ZNF384: variants seen among roughly 807,000 people sequenced by gnomAD.
ZNF384 encodes the protein zinc finger protein 384, also known as CAG repeat protein 1.
Under a neutral mutation model 65.0 loss-of-function variants are expected in ZNF384, and 20 were observed. That is an observed-to-expected ratio of 0.31 (90% CI 0.22 to 0.45). ZNF384 has a LOEUF of 0.45. Ranked by LOEUF, ZNF384 falls within the 20% of genes least tolerant of loss-of-function variation. The pLI is 1.00. For missense variants in ZNF384, 549 were observed against 769.4 expected (o/e 0.71, Z 3.39); for synonymous variants, 310 against 303.9 (o/e 1.02, Z -0.21).
chr12:6,666,993 AGTATAG>A lies in ZNF384; in HGVS notation c.*715_*720del, dbSNP rs1269235071. On this transcript the variant is annotated 3_prime_UTR_variant, in exon 12 of 12. Coordinates refer to ENST00000683879, the MANE Select transcript of ZNF384 (RefSeq NM_001385745.1). ...TTGGGGGTGGGTTGGGGAGACTGAG[AGTATAG>A]GGTCTTTGTAGGCAGAGAAGGAGAG... 2 of 216,328 alleles carry A rather than the reference AGTATAG, an allele frequency of 9.2e-6. No homozygotes were observed. The highest frequency in any genetic ancestry group is 4.5e-5 in the African/African-American group (2 of 44,264). The allele number at this position is 216,328 out of a possible 1,614,324, so 13.4% of individuals were successfully genotyped here.
chr12:6,676,065 C>T (rs1953435088), intron 7 of ZNF384, among the ~76,000 whole-genome samples: 1 of 152,084 alleles, frequency 6.6e-6, no homozygotes. Context: ...TCTGGGAGGC[C>T]GAGGCAGGCA....
At chr12:6,674,620 C>A (rs1952790869) in intron 7 of ZNF384, among the ~76,000 whole-genome samples, 1 of 152,106 alleles carries the variant, frequency 6.6e-6, no homozygotes, top group South Asian at 2.1e-4. Context: ...CCAATCATTG[C>A]AGGAGAGAGG....
At chr12:6,688,488 G>T (rs555082688) in intron 1 of ZNF384, 1 of 152,298 alleles carries the variant, frequency 6.6e-6, no homozygotes, top group African/African-American at 2.4e-5. Context: ...TCAGAGACTG[G>T]TCCTTGTTCG....
chr12:6,686,994 C>A (rs561462483), intron 2 of ZNF384, among the ~76,000 whole-genome samples: 4 of 152,294 alleles, frequency 2.6e-5, no homozygotes, highest in South Asian at 4.1e-4. Flanking sequence ...TTCCAAAACA[C>A]ACAACTGCAG....
intron 7 of ZNF384, among the ~76,000 whole-genome samples, chr12:6,676,710 ATAACT>A (rs1289292526): frequency 1.3e-5 from 2 of 152,236 alleles, no homozygotes; most frequent in African/African-American, 2.4e-5. Context: ...TTTCTATACG[ATAACT>A]TAAAAGGGAT....
At position 6,678,108 on chromosome 12, in the gene ZNF384, C is replaced by G. The variant is rs1224545245; in HGVS notation, c.686+19G>C. On this transcript the variant is annotated intron_variant, in intron 6 of 11. Transcript: ENST00000683879. This position sits in a 1 kb window ranked among gnomAD's most constrained non-coding sequence, Gnocchi z 4.9. ...GCCAGGGATCCTCGCCCCATCCTGCCCCTGGCTCTGAGTCTTACCTGTAGG... is the reference window on the plus strand; with the variant it reads ...GCCAGGGATCCTCGCCCCATCCTGCGCCTGGCTCTGAGTCTTACCTGTAGG... The G allele has an allele frequency of 1.3e-6, 2 of 1,598,248 alleles. No individual in the cohort carries two copies. Among genetic ancestry groups the G allele is most frequent in the Non-Finnish European group, 1.7e-6 (2 of 1,169,098 alleles).
chr12:6,667,981 T>C lies in ZNF384; in HGVS notation c.1560A>G (p.Gln520=), dbSNP rs1565419130. Residue 520 remains glutamine, a synonymous_variant, in exon 12 of 12, where the codon CAA becomes CAG. Transcript: ENST00000683879. ...GGGAGGCCTGGGCCTGGGCCTGGGC[T>C]TGAGCCTGAGCCTGAGCCTGGGCTT... ...QAQAQAQAQA[Q]AQAQAQASQA... is the part of the protein sequence containing the mutation. 11 of 1,611,802 alleles carry C rather than the reference T, an allele frequency of 6.8e-6. No homozygotes were observed. The highest frequency in any genetic ancestry group is 1.7e-5 in the Admixed American group (1 of 59,768).
In ZNF384 at chr12:6,677,277, T is replaced by C; in HGVS notation, c.687-18A>G. On this transcript the variant is annotated intron_variant, in intron 6 of 11. Transcript: ENST00000683879. ...CTTCGCTCCTAAAATGGGAACAACA[T>C]TGCCCATCTGGGTACACTAAGGAAC... 3 of 1,308,790 alleles carry C rather than the reference T, an allele frequency of 2.3e-6. No individual in the cohort carries two copies. Among genetic ancestry groups the C allele is most frequent in the Non-Finnish European group, 2.0e-6 (2 of 1,000,432 alleles). 81.1% of individuals were successfully genotyped at this position (1,308,790 alleles called of 1,614,324 possible).
chr12:6,671,188 G>C (rs1306532369), intron 9 of ZNF384, among the ~76,000 whole-genome samples: 2 of 152,196 alleles, frequency 1.3e-5, no homozygotes, highest in African/African-American at 4.8e-5. Flanking sequence ...CAAGGAAAAA[G>C]AAAAGCAGAA....
chr12:6,678,433 G>A lies in ZNF384; in HGVS notation c.380C>T (p.Ser127Leu). The change falls in exon 6 of 12, where the codon TCA becomes TTA. Residue 127 changes from serine (S) to leucine (L), a missense_variant. Ser to Leu is a moderately radical substitution (Grantham distance 145). Around this residue, in one of 5 missense-constraint regions of ZNF384, gnomAD observed 277 missense variants for 337.2 expected, o/e 0.82. Transcript: ENST00000683879. This position sits in a 1 kb window ranked among gnomAD's most constrained non-coding sequence, Gnocchi z 4.9. ...RGPGLVITSP[S>L]GSLVTTASSA... ...TGATGCTGTGGTCACAAGAGAGCCTGAGGGGGACGTGATTACCAAACCCGG... is the reference window on the plus strand; with the variant it reads ...TGATGCTGTGGTCACAAGAGAGCCTAAGGGGGACGTGATTACCAAACCCGG... 1.9e-6 allele frequency: 3 copies of A among 1,595,358 alleles called. No homozygotes were observed. Among genetic ancestry groups the A allele is most frequent in the Non-Finnish European group, 1.7e-6 (2 of 1,170,454 alleles).
At chr12:6,674,247 C>T (rs1361858771) in intron 7 of ZNF384, among the ~76,000 whole-genome samples, 3 of 152,218 alleles carry the variant, frequency 2.0e-5, no homozygotes, top group Non-Finnish European at 4.4e-5. Flanking sequence ...GGGTTGACAT[C>T]AGTAGCACCT....
Position 6,678,714 on chromosome 12 carries a change from G to A in ZNF384, c.305-4C>T, listed in dbSNP as rs778636448. ...CACCTCTGAGAACAGGAGACTCCTT[G>A]ATTCAGAGAAGGAAAGAATGTCACC... is the stretch of plus-strand genomic sequence containing the variant. On this transcript the variant is annotated splice_region_variant and splice_polypyrimidine_tract_variant and intron_variant, in intron 4 of 11. Transcript: ENST00000683879. The surrounding 1 kb of genome is among the most constrained non-coding windows in gnomAD (Gnocchi z 4.9). 1 of 1,613,928 alleles carries A rather than the reference G, an allele frequency of 6.2e-7. No individual in the cohort carries two copies. The highest frequency in any genetic ancestry group is 1.7e-5 in the Admixed American group (1 of 59,994).
rs937959682 is a variant in ZNF384, at chr12:6,673,899, T to C, written c.780-459A>G. Among the ~76,000 whole-genome samples the C allele has an allele frequency of 6.6e-6, 1 of 152,122 alleles. No individual in the cohort carries two copies. Among genetic ancestry groups the C allele is most frequent in the African/African-American group, 2.4e-5 (1 of 41,416 alleles). On this transcript the variant is annotated intron_variant, in intron 7 of 11. Coordinates refer to ENST00000683879, the MANE Select transcript of ZNF384 (RefSeq NM_001385745.1). This position sits in a 1 kb window ranked among gnomAD's most constrained non-coding sequence, Gnocchi z 4.7. ...CTAACTGGATCCTCTCCTGTCTCCA[T>C]AGATAATTTTCTTCCCTCAGATTTT... is the stretch of plus-strand genomic sequence containing the variant.
Position 6,672,136 on chromosome 12 carries a change from C to T in ZNF384, c.1187+214G>A, listed in dbSNP as rs114142781. 1,311 of 557,958 alleles carry T rather than the reference C, an allele frequency of 2.3e-3. 12 individuals are homozygous for T. Among genetic ancestry groups the T allele is most frequent in the African/African-American group, 0.017 (922 of 53,170 alleles). 34.6% of individuals were successfully genotyped at this position (557,958 alleles called of 1,614,324 possible). Reference sequence around the variant, plus strand: ...ATCAGTGAATATCATATAGTCACTGCAGCTCCCCGACGTAGCTCTTGCCCC... The same window carrying T: ...ATCAGTGAATATCATATAGTCACTGTAGCTCCCCGACGTAGCTCTTGCCCC... On this transcript the variant is annotated intron_variant, in intron 9 of 11. Transcript: ENST00000683879. This position sits in a 1 kb window ranked among gnomAD's most constrained non-coding sequence, Gnocchi z 4.4.
intron 1 of ZNF384, chr12:6,688,860 G>A (rs1312053734): frequency 6.6e-6 from 1 of 152,352 alleles, no homozygotes; most frequent in Non-Finnish European, 1.5e-5. Flanking sequence ...ACCCTTCCTT[G>A]GGACGTCCCT....
At chr12:6,668,145 G>C in intron 11 of ZNF384, 30 bp from the exon 12 acceptor site, 1 of 1,532,242 alleles carries the variant, frequency 6.5e-7, no homozygotes, top group Non-Finnish European at 8.8e-7. Flanking sequence ...GAAGTTGAGG[G>C]ATAAAGAGGA....
rs1952360681 is a variant in ZNF384, at chr12:6,673,554, TGA to T, written c.780-116_780-115del. 8 of 786,882 alleles carry T rather than the reference TGA, an allele frequency of 1.0e-5. No homozygotes were observed. The highest frequency in any genetic ancestry group is 1.2e-5 in the Non-Finnish European group (6 of 486,124). 48.7% of individuals were successfully genotyped at this position (786,882 alleles called of 1,614,324 possible). ...ATCTGAGGTCTCTCCTACTCCAACT[TGA>T]GAGTAGAGCTCTATATATTCATCTT... On this transcript the variant is annotated intron_variant, in intron 7 of 11. Coordinates refer to ENST00000683879, the MANE Select transcript of ZNF384 (RefSeq NM_001385745.1). The surrounding 1 kb of genome is among the most constrained non-coding windows in gnomAD (Gnocchi z 4.7).
At position 6,678,661 on chromosome 12, in the gene ZNF384, A is replaced by ACCCCTTGATTGAC; in HGVS notation, c.341_352+1dup. 1 of 1,612,788 alleles carries ACCCCTTGATTGAC rather than the reference A, an allele frequency of 6.2e-7. No homozygotes were observed. Among genetic ancestry groups the ACCCCTTGATTGAC allele is most frequent in the Non-Finnish European group, 8.5e-7 (1 of 1,179,636 alleles). ...CACCCCCCTGGTAACAGTGAGATTT[A>ACCCCTTGATTGAC]CCCCTTGATTGACTCCCTTCTCTTC... On this transcript the variant is annotated splice_donor_variant, in intron 5 of 11. Transcript: ENST00000683879. LOFTEE classifies it high-confidence loss of function. The surrounding 1 kb of genome is among the most constrained non-coding windows in gnomAD (Gnocchi z 4.9).
At chr12:6,677,795 G>T (rs1283095719) in intron 6 of ZNF384, among the ~76,000 whole-genome samples, 1 of 152,114 alleles carries the variant, frequency 6.6e-6, no homozygotes, top group Non-Finnish European at 1.5e-5. Flanking sequence ...TATGTAGAAA[G>T]CAAAAAGGAG....
Sources: allele counts gnomAD v4.1 joint callset (sites outside exome capture counted in the v4.1 genomes callset), GRCh38; gene constraint gnomAD v4.1.1; regional missense constraint gnomAD v4.1.1; non-coding constraint Gnocchi (gnomAD v3.1); transcripts MANE v1.5; gene names NCBI Gene and HGNC (gene_info 2026-07-23, HGNC 2026-07-21).